Variants in FAM168A observed in about 807,000 individuals in gnomAD.
FAM168A encodes the protein protein FAM168A.
In FAM168A, 3 loss-of-function variants were observed where a neutral mutation model predicts 28.5. That is an observed-to-expected ratio of 0.11 (90% CI 0.05 to 0.27). The LOEUF (loss-of-function observed/expected upper bound fraction) is 0.27, where lower values mean the gene tolerates loss of function less well. Among genes scored for constraint, FAM168A ranks in the 10% least tolerant of loss-of-function variants. FAM168A has a pLI of 1.00. For missense variants in FAM168A, 222 were observed against 311.5 expected (o/e 0.71, Z 2.16); for synonymous variants, 122 against 124.2 (o/e 0.98, Z 0.12).
chr11:73,494,468 T>C (rs992577385), intron 1 of FAM168A, among the ~76,000 whole-genome samples: 4 of 152,168 alleles, frequency 2.6e-5, no homozygotes, highest in Admixed American at 1.3e-4. Flanking sequence ...CGGTTGACAC[T>C]CTGAATACCA....
At chr11:73,567,998 C>G (rs1373989917) in intron 1 of FAM168A, among the ~76,000 whole-genome samples, 3 of 152,114 alleles carry the variant, frequency 2.0e-5, no homozygotes, top group Non-Finnish European at 4.4e-5. Context: ...CAGCAGCTAC[C>G]CTGTACTCTA....
At chr11:73,432,485 G>A (rs1252937695) in intron 2 of FAM168A, among the ~76,000 whole-genome samples, 4 of 152,146 alleles carry the variant, frequency 2.6e-5, no homozygotes, top group Non-Finnish European at 5.9e-5. Context: ...TAGTAAGTGT[G>A]AAGTGGGATC....
At chr11:73,593,239 G>A (rs2134750345) in intron 1 of FAM168A, among the ~76,000 whole-genome samples, 1 of 152,250 alleles carries the variant, frequency 6.6e-6, no homozygotes, top group Non-Finnish European at 1.5e-5. Context: ...GGCTTTAAAG[G>A]TACTAGAAAT....
Position 73,401,379 on chromosome 11 carries a change from CT to C in FAM168A, c.*5383del, listed in dbSNP as rs988386999. ...AGCTAGAGGCCTGGCCTTACCCCCCCTGGGTAAGGAGGAGCTTGAGTCACAC... is the reference window on the plus strand; with the variant it reads ...AGCTAGAGGCCTGGCCTTACCCCCCCGGGTAAGGAGGAGCTTGAGTCACAC... On this transcript the variant is annotated 3_prime_UTR_variant, in exon 8 of 8. Transcript: ENST00000356467. 8.5e-5 allele frequency: 13 copies of C among 152,104 alleles called. No homozygotes were observed. Among genetic ancestry groups the C allele is most frequent in the Non-Finnish European group, 1.6e-4 (11 of 68,012 alleles). 9.4% of individuals were successfully genotyped at this position (152,104 alleles called of 1,614,324 possible). A position where few individuals can be genotyped will look rare whatever the true frequency, so the allele number is the denominator to read the frequency against.
chr11:73,439,010 T>G (rs1867144981), intron 2 of FAM168A, among the ~76,000 whole-genome samples: 1 of 148,824 alleles, frequency 6.7e-6, no homozygotes, highest in Non-Finnish European at 1.5e-5. Context: ...GACCCTTGAA[T>G]CTGTTAGCTC....
intron 1 of FAM168A, 56 bp from the exon 2 acceptor site, chr11:73,468,548 T>C (rs1282414859): frequency 2.3e-6 from 3 of 1,329,394 alleles, no homozygotes; most frequent in East Asian, 2.3e-5. Flanking sequence ...CTTCCTGACA[T>C]CAGCTTCTCC....
chr11:73,518,298 T>C (rs1356097691), intron 1 of FAM168A, among the ~76,000 whole-genome samples: 1 of 152,166 alleles, frequency 6.6e-6, no homozygotes, highest in African/African-American at 2.4e-5. Context: ...ATCTCTGCTA[T>C]AGTTTGGAAA....
At chr11:73,582,859 G>A (rs555689467) in intron 1 of FAM168A, among the ~76,000 whole-genome samples, 1 of 152,280 alleles carries the variant, frequency 6.6e-6, no homozygotes, top group East Asian at 1.9e-4. Flanking sequence ...TTCTTTCTGA[G>A]TCTCATTGTG....
intron 1 of FAM168A, among the ~76,000 whole-genome samples, chr11:73,515,159 A>T (rs1041919369): frequency 3.3e-5 from 5 of 152,164 alleles, no homozygotes; most frequent in Non-Finnish European, 7.3e-5. Flanking sequence ...CTTCATTAAG[A>T]TACTCACTCC....
intron 1 of FAM168A, among the ~76,000 whole-genome samples, chr11:73,578,260 G>A (rs7102738): frequency 0.034 from 5,115 of 152,226 alleles, 135 homozygotes; most frequent in Middle Eastern, 0.079. Context: ...TAGAAAAGCC[G>A]ATAGGTGGTT....
chr11:73,500,329 G>A (rs925037387), intron 1 of FAM168A, among the ~76,000 whole-genome samples: 2 of 145,508 alleles, frequency 1.4e-5, no homozygotes, highest in African/African-American at 5.1e-5. Context: ...CATGATCCCA[G>A]CTCACTGCAA....
At chr11:73,409,255 A>G (rs1866563974) in intron 6 of FAM168A, among the ~76,000 whole-genome samples, 1 of 151,008 alleles carries the variant, frequency 6.6e-6, no homozygotes, top group Non-Finnish European at 1.5e-5. Context: ...TCCCTCTTTC[A>G]CTTCTCTAGT....
intron 1 of FAM168A, among the ~76,000 whole-genome samples, chr11:73,474,240 G>A (rs1390488977): frequency 6.6e-6 from 1 of 152,088 alleles, no homozygotes; most frequent in Non-Finnish European, 1.5e-5. Flanking sequence ...AAGATCAAGG[G>A]GACGGCATCT....
At chr11:73,563,747 G>C (rs1943985868) in intron 1 of FAM168A, among the ~76,000 whole-genome samples, 2 of 152,156 alleles carry the variant, frequency 1.3e-5, no homozygotes, top group Non-Finnish European at 2.9e-5. Flanking sequence ...CTGAGACTAA[G>C]AAAGACTAAG....
At chr11:73,560,381 G>A (rs904434707) in intron 1 of FAM168A, among the ~76,000 whole-genome samples, 2 of 152,082 alleles carry the variant, frequency 1.3e-5, no homozygotes, top group Non-Finnish European at 2.9e-5. Context: ...AGGTACTTTT[G>A]CTAAGGTGTG....
intron 1 of FAM168A, among the ~76,000 whole-genome samples, chr11:73,564,309 G>A (rs1259718774): frequency 6.6e-6 from 1 of 152,126 alleles, no homozygotes; most frequent in Non-Finnish European, 1.5e-5. Context: ...AACATCTGAG[G>A]CCATTGCTGA....
At chr11:73,495,608 A>G (rs1357954775) in intron 1 of FAM168A, among the ~76,000 whole-genome samples, 1 of 152,216 alleles carries the variant, frequency 6.6e-6, no homozygotes, top group African/African-American at 2.4e-5. Flanking sequence ...TTAAAAATGG[A>G]TAAAGAACTT....
At chr11:73,519,863 T>C (rs1268108896) in intron 1 of FAM168A, among the ~76,000 whole-genome samples, 1 of 151,608 alleles carries the variant, frequency 6.6e-6, no homozygotes, top group African/African-American at 2.4e-5. Context: ...GGTCTCACTA[T>C]GTTGCCCAGA....
intron 1 of FAM168A, among the ~76,000 whole-genome samples, chr11:73,508,087 A>T (rs183004544): frequency 3.3e-5 from 5 of 152,304 alleles, no homozygotes; most frequent in African/African-American, 7.2e-5. Context: ...ATCTCTCTTA[A>T]GTGGTGATAA....
Sources: allele counts gnomAD v4.1 joint callset (sites outside exome capture counted in the v4.1 genomes callset), GRCh38; gene constraint gnomAD v4.1.1; transcripts MANE v1.5; gene names NCBI Gene and HGNC (gene_info 2026-07-23, HGNC 2026-07-21).